Variants in RARG observed in about 807,000 individuals in gnomAD.
The protein encoded by RARG is RAR-gamma.
In RARG, 17 loss-of-function variants were observed where a neutral mutation model predicts 43.7. The observed-to-expected ratio is 0.39, with a 90% CI of 0.27 to 0.58. The LOEUF is 0.58. Among genes scored for constraint, RARG ranks in the 20% least tolerant of loss-of-function variants. RARG has a pLI of 0.57. For missense variants in RARG, 346 were observed against 598.7 expected (o/e 0.58, Z 4.40); for synonymous variants, 238 against 236.4 (o/e 1.01, Z -0.06).
chr12:53,215,733 C>T lies in RARG; in HGVS notation c.246G>A (p.Pro82=), dbSNP rs774421363. ...EMVPSSPSPP[P]PPRVYKPCFV... ...AGCATGGCTTGTAGACCCGAGGAGG[C>T]GGAGGGGGCGAGGGCGAGCTGGGCA... The change falls in exon 4 of 10, where the codon CCG becomes CCA. Residue 82 remains proline, a synonymous_variant. Transcript: ENST00000425354. This position sits in a 1 kb window ranked among gnomAD's most constrained non-coding sequence, Gnocchi z 6.4. 2.4e-5 allele frequency: 38 copies of T among 1,613,440 alleles called. No homozygotes were observed. The highest frequency in any genetic ancestry group is 1.6e-4 in the Middle Eastern group (1 of 6,080).
At chr12:53,229,771 T>C in intron 2 of RARG, 1 of 192,114 alleles carries the variant, frequency 5.2e-6, no homozygotes, top group Non-Finnish European at 9.6e-6. Context: ...ATCCCCATGT[T>C]CCCCAGACTT....
chr12:53,230,988 G>A (rs1008008394), intron 2 of RARG, among the ~76,000 whole-genome samples, 181 bp downstream of exon 2: 1 of 151,944 alleles, frequency 6.6e-6, no homozygotes, highest in Non-Finnish European at 1.5e-5. Flanking sequence ...GCTGGCTATG[G>A]TCCTTGACCC....
intron 3 of RARG, among the ~76,000 whole-genome samples, chr12:53,216,340 G>A (rs917860025): frequency 2.0e-5 from 3 of 152,182 alleles, no homozygotes; most frequent in Non-Finnish European, 4.4e-5. Context: ...GGTAAACCAG[G>A]ACCTCATTTC....
chr12:53,222,112 G>A (rs1418014510), intron 3 of RARG, among the ~76,000 whole-genome samples: 1 of 151,950 alleles, frequency 6.6e-6, no homozygotes, highest in East Asian at 1.9e-4. Flanking sequence ...TTGAAGCAGG[G>A]ATGGAGAGGG....
intron 3 of RARG, chr12:53,219,989 G>T: frequency 6.6e-7 from 1 of 1,522,834 alleles, no homozygotes; most frequent in Non-Finnish European, 8.8e-7. Flanking sequence ...AAAGATTCAA[G>T]TCCGGCGAAA....
At position 53,214,473 on chromosome 12, in the gene RARG, C is replaced by T. The variant is rs769384209; in HGVS notation, c.609G>A (p.Ser203=). 19 of 1,613,260 alleles carry T rather than the reference C, an allele frequency of 1.2e-5. No individual in the cohort carries two copies. In the East Asian group the frequency reaches 2.0e-4, roughly 17 times the overall value. The part of the protein sequence containing the change: ...VSKAHQETFP[S]LCQLGKYTTN... ...TGGTATACTTGCCCAGCTGGCAGAG[C>T]GAGGGGAAAGTCTCCTGATGGGCTT... is the stretch of plus-strand genomic sequence containing the variant. The change falls in exon 6 of 10, where the codon TCG becomes TCA. Residue 203 remains serine (S), a synonymous_variant. Transcript: ENST00000425354.
In RARG at chr12:53,211,608, G is replaced by A. The variant is rs910743499; in HGVS notation, c.*68C>T. 8 of 1,289,830 alleles carry A rather than the reference G, an allele frequency of 6.2e-6. No individual in the cohort carries two copies. The highest frequency in any genetic ancestry group is 7.1e-6 in the Non-Finnish European group (7 of 987,624). The allele number at this position is 1,289,830 out of a possible 1,614,324, so 79.9% of individuals were successfully genotyped here. ...AGCAGGTCCTCCCCCAGTCACTGGC[G>A]GTCTGGGAGATGGTCAGTCTGCTGC... On this transcript the variant is annotated 3_prime_UTR_variant, in exon 10 of 10. Transcript: ENST00000425354. The surrounding 1 kb of genome is among the most constrained non-coding windows in gnomAD (Gnocchi z 4.6).
Position 53,214,521 on chromosome 12 carries a change from T to G in RARG, c.561A>C (p.Glu187Asp), listed in dbSNP as rs1942701785. ...CTTTGCTGACCTTGGTGATGAGCTC[T>G]TCTAACTGAGGGCTCAGCTCATAGC... is the stretch of plus-strand genomic sequence containing the variant. ...PDSYELSPQLEELITKVSKAH... is the reference protein window; with the variant it reads ...PDSYELSPQLDELITKVSKAH... The change falls in exon 6 of 10, where the codon GAA becomes GAC. Residue 187 changes from glutamate to aspartate, a missense_variant. Transcript: ENST00000425354. 1.9e-6 allele frequency: 3 copies of G among 1,613,832 alleles called. No homozygotes were observed. In the African/African-American group the frequency reaches 4.0e-5, roughly 22 times the overall value.
intron 3 of RARG, chr12:53,220,291 C>T (rs1162407256): frequency 2.6e-5 from 32 of 1,246,750 alleles, no homozygotes; most frequent in Non-Finnish European, 3.1e-5. Flanking sequence ...AGGGACTGGG[C>T]GGGGCGCGAA....
intron 3 of RARG, among the ~76,000 whole-genome samples, chr12:53,217,631 GGT>G (rs1942815287): frequency 1.3e-5 from 2 of 152,180 alleles, no homozygotes; most frequent in South Asian, 4.1e-4. Flanking sequence ...CAATCTGTGA[GGT>G]CAAGGCCCCA....
At chr12:53,220,173 G>A (rs1942912784) in intron 3 of RARG, 1 of 1,549,088 alleles carries the variant, frequency 6.5e-7, no homozygotes, top group South Asian at 1.2e-5. Flanking sequence ...CTCCTCCCCC[G>A]GCGGCGCCCC....
chr12:53,216,841 T>TGTGTGTGTGTGTGTGTGTGTGTGC (rs1430491578), intron 3 of RARG, among the ~76,000 whole-genome samples: 12 of 129,382 alleles, frequency 9.3e-5, no homozygotes, highest in African/African-American at 3.7e-4. Flanking sequence ...TGTGTGTGTG[T>TGTGTGTGTGTGTGTGTGTGTGTGC]GCGCGCGCGC....
chr12:53,218,942 C>T (rs1455553080), intron 3 of RARG, among the ~76,000 whole-genome samples: 1 of 152,156 alleles, frequency 6.6e-6, no homozygotes, highest in Non-Finnish European at 1.5e-5. Context: ...CTCCCCACAC[C>T]CCACCCCCGC....
In RARG at chr12:53,213,232, G is replaced by A; in HGVS notation, c.1030C>T (p.Leu344=). The A allele has an allele frequency of 3.8e-6, 6 of 1,581,684 alleles. No individual in the cohort carries two copies. The highest frequency in any genetic ancestry group is 5.2e-6 in the Non-Finnish European group (6 of 1,150,812). ...ICLICGDRMD[L]EEPEKVDKLQ... is the part of the protein sequence containing the mutation. ...TTGTCCACTTTTTCGGGCTCCTCCAGGTCCATGCGGTCTATGGGGACAAGT... is the reference window on the plus strand; with the variant it reads ...TTGTCCACTTTTTCGGGCTCCTCCAAGTCCATGCGGTCTATGGGGACAAGT... The change falls in exon 9 of 10, where the codon CTG becomes TTG. Residue 344 remains leucine (L), a synonymous_variant. Coordinates refer to ENST00000425354, the MANE Select transcript of RARG (RefSeq NM_000966.6). The surrounding 1 kb of genome is among the most constrained non-coding windows in gnomAD (Gnocchi z 4.7).
At chr12:53,219,896 T>C in intron 3 of RARG, 1 of 1,417,924 alleles carries the variant, frequency 7.1e-7, no homozygotes, top group Admixed American at 2.8e-5. Flanking sequence ...ACGGAAAGAG[T>C]AAATCCCACC....
intron 3 of RARG, among the ~76,000 whole-genome samples, chr12:53,222,460 C>G (rs1329459673): frequency 2.6e-5 from 4 of 151,964 alleles, no homozygotes; most frequent in Non-Finnish European, 5.9e-5. Context: ...CCTTCCCCCT[C>G]AGAAATCTGA....
At chr12:53,220,480 T>G in intron 3 of RARG, 1 of 543,762 alleles carries the variant, frequency 1.8e-6, no homozygotes, top group African/African-American at 2.0e-5. Context: ...TACACATACG[T>G]ACACTCGCTC....
intron 2 of RARG, among the ~76,000 whole-genome samples, chr12:53,228,539 A>C (rs1176742365): frequency 6.6e-6 from 1 of 151,636 alleles, no homozygotes; most frequent in Non-Finnish European, 1.5e-5. Context: ...TCCTCTCCCA[A>C]TTCTTCCTGT....
chr12:53,211,772 C>G lies in RARG; in HGVS notation c.1269G>C (p.Glu423Asp), dbSNP rs781152869. 1.3e-6 allele frequency: 2 copies of G among 1,566,514 alleles called. No homozygotes were observed. The highest frequency in any genetic ancestry group is 1.7e-6 in the Non-Finnish European group (2 of 1,156,808). Reference sequence around the variant, plus strand: ...GGGGACCAGGCTGCGAGGAGTCATCCTCAAACATTTCAGGGTTCTCCAGCA... The same window carrying G: ...GGGGACCAGGCTGCGAGGAGTCATCGTCAAACATTTCAGGGTTCTCCAGCA... ...REMLENPEMF[E>D]DDSSQPGPHP... The change falls in exon 10 of 10, where the codon GAG becomes GAC. Residue 423 changes from glutamate to aspartate, a missense_variant. Glu to Asp is a conservative substitution (Grantham distance 45, BLOSUM62 2). This residue lies in a region of RARG where 40 missense variants were observed against 44.6 expected (regional missense o/e 0.90). Transcript: ENST00000425354. The surrounding 1 kb of genome is among the most constrained non-coding windows in gnomAD (Gnocchi z 4.6).
Sources: allele counts gnomAD v4.1 joint callset (sites outside exome capture counted in the v4.1 genomes callset), GRCh38; gene constraint gnomAD v4.1.1; regional missense constraint gnomAD v4.1.1; non-coding constraint Gnocchi (gnomAD v3.1); transcripts MANE v1.5; gene names NCBI Gene and HGNC (gene_info 2026-07-23, HGNC 2026-07-21).